The following REV3L variants were observed in gnomAD, a reference collection of about 807,000 sequenced individuals.
REV3L encodes the protein DNA polymerase zeta catalytic subunit.
Under a neutral mutation model 299.4 loss-of-function variants are expected in REV3L, and 69 were observed. That is an observed-to-expected ratio of 0.23 (90% CI 0.19 to 0.28). The LOEUF (loss-of-function observed/expected upper bound fraction) is 0.28, where lower values mean the gene tolerates loss of function less well. REV3L is among the 10% of genes least tolerant of loss of function. The probability of loss-of-function intolerance (pLI) is 1.00; values close to 1 mark genes in which losing one functional copy is unlikely to be tolerated. For synonymous variants in REV3L, 1,238 were observed against 1,271.4 expected (o/e 0.97, Z 0.56); for missense variants, 3,128 against 3,693.8 (o/e 0.85, Z 3.97).
At chr6:111,377,129 A>G (rs1409966594) in intron 12 of REV3L, among the ~76,000 whole-genome samples, 1 of 152,214 alleles carries the variant, frequency 6.6e-6, no homozygotes, top group Non-Finnish European at 1.5e-5. Context: ...AACAAACATT[A>G]AAGTTTTCAA....
At chr6:111,328,681 C>T (rs1363170090) in intron 25 of REV3L, among the ~76,000 whole-genome samples, 1 of 152,092 alleles carries the variant, frequency 6.6e-6, no homozygotes, top group African/African-American at 2.4e-5. Flanking sequence ...ATGAGAAAAA[C>T]TGATGTTATG....
intron 1 of REV3L, among the ~76,000 whole-genome samples, chr6:111,435,946 A>G (rs557340874): frequency 4.4e-4 from 67 of 152,338 alleles, no homozygotes; most frequent in African/African-American, 1.5e-3. Context: ...TAAGGAGCTC[A>G]AACAACTCAA....
chr6:111,356,967 A>C (rs750423336), intron 18 of REV3L, 47 bp downstream of exon 18: 6 of 1,034,204 alleles, frequency 5.8e-6, no homozygotes, highest in Non-Finnish European at 8.6e-6. Context: ...ATAGCATGAA[A>C]CGACTCTCTG....
rs774421464 is a variant in REV3L at position 111,365,361 on chromosome 6, A to G, written c.6674-17T>C. The G allele has an allele frequency of 1.3e-5, 19 of 1,418,050 alleles. No homozygotes were observed. The South Asian group carries it at 2.4e-4, about 18-fold the overall frequency. 87.8% of individuals were successfully genotyped at this position (1,418,050 alleles called of 1,614,324 possible). Reference sequence around the variant, plus strand: ...TTTTTGGTTCTGTAGAAAGAAATTTAATATTTAACATGTATATCAAAATTA... The same window carrying G: ...TTTTTGGTTCTGTAGAAAGAAATTTGATATTTAACATGTATATCAAAATTA... On this transcript the variant is annotated splice_polypyrimidine_tract_variant and intron_variant, in intron 14 of 31. Coordinates refer to ENST00000368802, the MANE Select transcript of REV3L (RefSeq NM_001372078.1).
Position 111,376,572 on chromosome 6 carries a change from A to T in REV3L, c.1783T>A (p.Leu595Ile). 1.2e-6 allele frequency: 2 copies of T among 1,613,064 alleles called. No homozygotes were observed. The highest frequency in any genetic ancestry group is 2.2e-5 in the East Asian group (1 of 44,810). Reference protein sequence around the residue: ...LSSHVLNKEDLIEDLSQTNKN... With the variant: ...LSSHVLNKEDIIEDLSQTNKN... ...TTTGTCTGTGAAAGGTCTTCAATTA[A>T]ATCTTCCTTGTTCAAAACATGGGAA... Residue 595 changes from leucine to isoleucine, a missense_variant, in exon 13 of 32, where the codon TTA becomes ATA. By Grantham distance (5) the Leu-to-Ile change is conservative. This residue lies in a region of REV3L where 2,409 missense variants were observed against 2,611.8 expected (regional missense o/e 0.92). Coordinates refer to ENST00000368802, the MANE Select transcript of REV3L (RefSeq NM_001372078.1).
chr6:111,405,600 T>C lies in REV3L; in HGVS notation c.435A>G (p.Ile145Met), dbSNP rs746982807. The C allele has an allele frequency of 1.2e-6, 2 of 1,604,614 alleles. No homozygotes were observed. The highest frequency in any genetic ancestry group is 1.1e-5 in the South Asian group (1 of 87,774). ...RICELLQSGA[I>M]MNKFYQPHEA... ...CATGAGGCTGGTAAAATTTATTCAT[T>C]ATGGCTCCGCTTTGCAAAAGTTCAC... is the stretch of plus-strand genomic sequence containing the variant. Residue 145 changes from isoleucine (I) to methionine (M), a missense_variant, in exon 4 of 32, where the codon ATA (isoleucine) becomes ATG (methionine). Physicochemically the swap from Ile to Met is conservative, Grantham distance 10. Coordinates refer to ENST00000368802, the MANE Select transcript of REV3L (RefSeq NM_001372078.1).
chr6:111,430,505 G>C, intron 1 of REV3L: 1 of 1,551,586 alleles, frequency 6.4e-7, no homozygotes, highest in African/African-American at 1.4e-5. Context: ...GGTTGCACTC[G>C]GGGATGAAAA....
intron 18 of REV3L, among the ~76,000 whole-genome samples, chr6:111,355,021 G>C (rs755496072): frequency 6.6e-6 from 1 of 152,106 alleles, no homozygotes; most frequent in East Asian, 1.9e-4. Flanking sequence ...AAGAGGAAAA[G>C]GGAAGAATCA....
rs771788695 is a variant in REV3L, at chr6:111,388,019, T to A, written c.929A>T (p.Lys310Ile). 3.7e-6 allele frequency: 6 copies of A among 1,612,610 alleles called. No homozygotes were observed. The highest frequency in any genetic ancestry group is 5.1e-6 in the Non-Finnish European group (6 of 1,179,180). ...KFQKRLQEIL[K>I]QNDFSVTLSG... Reference sequence around the variant, plus strand: ...CACTTACACAGAGAAATCATTCTGTTTGAGAATTTCCTGAAGTCTCTTCTG... The same window carrying A: ...CACTTACACAGAGAAATCATTCTGTATGAGAATTTCCTGAAGTCTCTTCTG... The change falls in exon 8 of 32, where the codon AAA becomes ATA. Residue 310 changes from lysine (K) to isoleucine (I), a missense_variant. Physicochemically the swap from Lys to Ile is moderately radical, Grantham distance 102. Transcript: ENST00000368802.
intron 1 of REV3L, among the ~76,000 whole-genome samples, chr6:111,458,939 A>T (rs1790453710): frequency 6.6e-6 from 1 of 152,014 alleles, no homozygotes; most frequent in Non-Finnish European, 1.5e-5. Flanking sequence ...CTACTCTAAA[A>T]TTCATATGGA....
Position 111,387,908 on chromosome 6 carries a change from AATG to A in REV3L, c.950_952del (p.Thr317_Leu318delinsIle), listed in dbSNP as rs928447732. ...ATCGCTGTAGTCCACAGATCCTGAT[AATG>A]TTCTGCTTAATTAAAACATATCCTT... On this transcript the variant is annotated inframe_deletion and splice_region_variant, in exon 9 of 32. Transcript: ENST00000368802. 15 of 1,613,708 alleles carry A rather than the reference AATG, an allele frequency of 9.3e-6. No homozygotes were observed. The highest frequency in any genetic ancestry group is 1.3e-5 in the African/African-American group (1 of 74,920).
chr6:111,440,257 C>T (rs759438994), intron 1 of REV3L, among the ~76,000 whole-genome samples: 4 of 151,994 alleles, frequency 2.6e-5, no homozygotes, highest in Non-Finnish European at 5.9e-5. Context: ...TTAGTAGAGA[C>T]GGGGTTTCTC....
chr6:111,307,265 A>T, intron 31 of REV3L, 96 bp downstream of exon 31: 1 of 1,045,524 alleles, frequency 9.6e-7, no homozygotes, highest in Middle Eastern at 2.8e-4. Flanking sequence ...CACTTTTCAC[A>T]CCAGTTTTGT....
chr6:111,422,679 C>CGT (rs1491240795), intron 1 of REV3L, among the ~76,000 whole-genome samples: 1,069 of 24,934 alleles, frequency 0.043, 282 homozygotes, highest in South Asian at 0.19. Context: ...TATATATATA[C>CGT]GTATATATAT....
intron 9 of REV3L, 128 bp from the exon 10 acceptor site, chr6:111,381,572 C>A: frequency 1.4e-6 from 1 of 707,718 alleles, no homozygotes; most frequent in Non-Finnish European, 2.3e-6. Context: ...GTTAATGATG[C>A]ATGCCAAATA....
chr6:111,388,144 C>A, intron 7 of REV3L, 59 bp from the exon 8 acceptor site: 1 of 1,199,894 alleles, frequency 8.3e-7, no homozygotes, highest in South Asian at 1.3e-5. Context: ...AATATTTTCC[C>A]TTCTCCTAAA....
intron 21 of REV3L, among the ~76,000 whole-genome samples, chr6:111,338,136 TA>T (rs1776092619): frequency 6.6e-6 from 1 of 152,112 alleles, no homozygotes; most frequent in Non-Finnish European, 1.5e-5. Context: ...TACACATATA[TA>T]AGAATCTGTT....
At chr6:111,331,629 A>G in intron 24 of REV3L, 47 bp downstream of exon 24, 1 of 1,350,394 alleles carries the variant, frequency 7.4e-7, no homozygotes, top group Non-Finnish European at 1.0e-6. Context: ...TCAGCTCTCC[A>G]AAAGTTAAGC....
intron 26 of REV3L, among the ~76,000 whole-genome samples, chr6:111,320,810 C>T (rs962969088): frequency 1.3e-5 from 2 of 152,006 alleles, no homozygotes; most frequent in Admixed American, 6.6e-5. Flanking sequence ...CCACCATGTC[C>T]GGCTAATTTT....
Sources: allele counts gnomAD v4.1 joint callset (sites outside exome capture counted in the v4.1 genomes callset), GRCh38; gene constraint gnomAD v4.1.1; regional missense constraint gnomAD v4.1.1; transcripts MANE v1.5; gene names NCBI Gene and HGNC (gene_info 2026-07-23, HGNC 2026-07-21).